Variants in L2HGDH observed in about 807,000 individuals in gnomAD.
L2HGDH encodes L-2-hydroxyglutarate dehydrogenase, mitochondrial.
L2HGDH carries 34 observed loss-of-function variants against 51.5 expected under a neutral mutation model. That is an observed-to-expected ratio of 0.66 (90% CI 0.50 to 0.88). The LOEUF is 0.88. Ranked by LOEUF, L2HGDH falls within the 40% of genes least tolerant of loss-of-function variation. The pLI is 0.00. For missense variants in L2HGDH, 558 were observed against 571.9 expected, an observed-to-expected ratio of 0.98 and a Z score of 0.25; for synonymous variants, 198 against 197.9, an observed-to-expected ratio of 1.00 and a Z score of -0.01.
chr14:50,279,582 G>A (rs895235610), intron 5 of L2HGDH, among the ~76,000 whole-genome samples: 3 of 151,960 alleles, frequency 2.0e-5, no homozygotes, highest in Non-Finnish European at 4.4e-5. Context: ...GCTCATGCCT[G>A]TAATCCCAGC....
chr14:50,305,263 T>C (rs546593375), intron 1 of L2HGDH, among the ~76,000 whole-genome samples: 2 of 152,098 alleles, frequency 1.3e-5, no homozygotes, highest in Non-Finnish European at 2.9e-5. Context: ...CAGCTTTAGA[T>C]TGGATAAAAT....
intron 4 of L2HGDH, among the ~76,000 whole-genome samples, chr14:50,293,822 T>C (rs1253719809): frequency 1.3e-5 from 2 of 152,220 alleles, no homozygotes; most frequent in African/African-American, 2.4e-5. Flanking sequence ...TATATTTCCC[T>C]ACATACCCAA....
At chr14:50,303,045 A>C (rs2030508115) in intron 1 of L2HGDH, 28 bp from the exon 2 acceptor site, 1 of 1,414,238 alleles carries the variant, frequency 7.1e-7, no homozygotes, top group African/African-American at 1.4e-5. Flanking sequence ...CTTTAAAGTA[A>C]TTCATATTTA....
At position 50,242,792 on chromosome 14, in the gene L2HGDH, A is replaced by T; in HGVS notation, c.*4266T>A. Reference sequence around the variant, plus strand: ...ATTACAACTCAAAAATGTTTACAAGATCTTTAGATAATAGTGTATGCGCAG... The same window carrying T: ...ATTACAACTCAAAAATGTTTACAAGTTCTTTAGATAATAGTGTATGCGCAG... On this transcript the variant is annotated 3_prime_UTR_variant, in exon 10 of 10. Coordinates refer to ENST00000267436, the MANE Select transcript of L2HGDH (RefSeq NM_024884.3). 3 of 985,444 alleles carry T rather than the reference A, an allele frequency of 3.0e-6. No homozygotes were observed. The highest frequency in any genetic ancestry group is 3.6e-6 in the Non-Finnish European group (3 of 829,938). The allele number at this position is 985,444 out of a possible 1,614,324, so 61.0% of individuals were successfully genotyped here.
At chr14:50,271,834 G>C (rs774478452) in intron 6 of L2HGDH, among the ~76,000 whole-genome samples, 19 of 151,704 alleles carry the variant, frequency 1.3e-4, no homozygotes, top group Non-Finnish European at 2.2e-4. Flanking sequence ...AATCCTACCT[G>C]CAAAAATTTA....
At chr14:50,254,394 C>T (rs1377428419) in intron 9 of L2HGDH, among the ~76,000 whole-genome samples, 4 of 151,830 alleles carry the variant, frequency 2.6e-5, no homozygotes, top group Admixed American at 6.6e-5. Context: ...AAAGAAGGGA[C>T]GGAACTGAAA....
At chr14:50,301,257 T>C (rs951784571) in intron 3 of L2HGDH, among the ~76,000 whole-genome samples, 1 of 152,126 alleles carries the variant, frequency 6.6e-6, no homozygotes, top group African/African-American at 2.4e-5. Flanking sequence ...TGGAAAACAA[T>C]TTGGCAGTTC....
At chr14:50,287,930 T>C (rs1427661670) in intron 4 of L2HGDH, among the ~76,000 whole-genome samples, 1 of 151,982 alleles carries the variant, frequency 6.6e-6, no homozygotes, top group Non-Finnish European at 1.5e-5. Context: ...ATTCCTGACC[T>C]CAAATGATCC....
At chr14:50,291,994 T>C (rs1311083466) in intron 4 of L2HGDH, among the ~76,000 whole-genome samples, 2 of 152,186 alleles carry the variant, frequency 1.3e-5, no homozygotes, top group Non-Finnish European at 2.9e-5. Context: ...AAATCAATTA[T>C]ATTTCCACAT....
intron 6 of L2HGDH, among the ~76,000 whole-genome samples, chr14:50,273,818 C>T (rs1041540349): frequency 6.6e-6 from 1 of 152,190 alleles, no homozygotes; most frequent in Admixed American, 6.5e-5. Context: ...CAGGGGCTCA[C>T]GCCTGTAATC....
intron 1 of L2HGDH, among the ~76,000 whole-genome samples, chr14:50,303,357 G>A (rs541962903): frequency 6.6e-6 from 1 of 152,138 alleles, no homozygotes; most frequent in African/African-American, 2.4e-5. Flanking sequence ...GGGAAGCAGA[G>A]GTTGCAGTGA....
intron 1 of L2HGDH, among the ~76,000 whole-genome samples, chr14:50,310,936 C>CTTT (rs34399906): frequency 3.8e-3 from 307 of 81,640 alleles, no homozygotes; most frequent in East Asian, 8.0e-3. Context: ...CTTTTCTTTT[C>CTTT]TTTTTTTTTT....
chr14:50,242,796 TTAGATAA>T lies in L2HGDH; in HGVS notation c.*4255_*4261del. ...CAACTCAAAAATGTTTACAAGATCT[TTAGATAA>T]TAGTGTATGCGCAGAAAGATGAGGA... On this transcript the variant is annotated 3_prime_UTR_variant, in exon 10 of 10. Coordinates refer to ENST00000267436, the MANE Select transcript of L2HGDH (RefSeq NM_024884.3). The T allele has an allele frequency of 1.0e-6, 1 of 985,424 alleles. No individual in the cohort carries two copies. Among genetic ancestry groups the T allele is most frequent in the Non-Finnish European group, 1.2e-6 (1 of 829,934 alleles). 61.0% of individuals were successfully genotyped at this position (985,424 alleles called of 1,614,324 possible).
Position 50,244,432 on chromosome 14 carries a change from C to CA in L2HGDH, c.*2625dup, listed in dbSNP as rs2139916173. ...ATCATTTTTTGTAATTCAATGTTTACAACTTAGTATGTATGCAATCGTACT... is the reference window on the plus strand; with the variant it reads ...ATCATTTTTTGTAATTCAATGTTTACAAACTTAGTATGTATGCAATCGTACT... On this transcript the variant is annotated 3_prime_UTR_variant, in exon 10 of 10. Coordinates refer to ENST00000267436, the MANE Select transcript of L2HGDH (RefSeq NM_024884.3). 1 of 985,284 alleles carries CA rather than the reference C, an allele frequency of 1.0e-6. No homozygotes were observed. Among genetic ancestry groups the CA allele is most frequent in the African/African-American group, 1.7e-5 (1 of 57,348 alleles). 61.0% of individuals were successfully genotyped at this position (985,284 alleles called of 1,614,324 possible). A position where few individuals can be genotyped will look rare whatever the true frequency, so the allele number is the denominator to read the frequency against.
chr14:50,291,216 AAAAAAAAAC>A (rs1328790789), intron 4 of L2HGDH, among the ~76,000 whole-genome samples: 2 of 151,108 alleles, frequency 1.3e-5, no homozygotes, highest in African/African-American at 4.9e-5. Context: ...AAAAAAAAAA[AAAAAAAAAC>A]AAACAAAAAA....
rs375454118 is a variant in L2HGDH at position 50,310,115 on chromosome 14, T to A, written c.140+1896A>T. On this transcript the variant is annotated intron_variant, in intron 1 of 9. Transcript: ENST00000267436. Reference sequence around the variant, plus strand: ...TAAAACTGATGAAAGCTGAACAATGTCCGTGGATTTTGCCAATATCAATTT... The same window carrying A: ...TAAAACTGATGAAAGCTGAACAATGACCGTGGATTTTGCCAATATCAATTT... 9.8e-5 allele frequency among the ~76,000 whole-genome samples: 15 copies of A among 152,326 alleles called. No individual in the cohort carries two copies. The East Asian group carries it at 2.9e-3, about 29-fold the overall frequency.
chr14:50,266,389 T>C (rs1024053985), intron 8 of L2HGDH, among the ~76,000 whole-genome samples: 1 of 152,144 alleles, frequency 6.6e-6, no homozygotes, highest in Non-Finnish European at 1.5e-5. Context: ...ATGCCTGTAA[T>C]CCCAGCACTT....
intron 6 of L2HGDH, among the ~76,000 whole-genome samples, chr14:50,274,134 C>T (rs898922415): frequency 6.6e-6 from 1 of 151,828 alleles, no homozygotes; most frequent in African/African-American, 2.4e-5. Context: ...GGCAAAGAAG[C>T]CGGGCATGGC....
intron 1 of L2HGDH, among the ~76,000 whole-genome samples, chr14:50,308,343 C>T (rs184903283): frequency 2.0e-5 from 3 of 150,552 alleles, no homozygotes; most frequent in South Asian, 2.1e-4. Flanking sequence ...GCCGAGACCG[C>T]GCCACTGCGC....
Sources: gnomAD v4.1 joint callset for allele counts (sites outside exome capture counted in the v4.1 genomes callset) on GRCh38, gnomAD v4.1.1 for gene constraint, MANE v1.5 for transcripts, NCBI Gene and HGNC (gene_info 2026-07-23, HGNC 2026-07-21) for gene names.